GNA14: variants seen among roughly 807,000 people sequenced by gnomAD.
GNA14 encodes the protein G protein subunit alpha 14.
GNA14 carries 50 observed loss-of-function variants against 42.0 expected under a neutral mutation model. The ratio of observed to expected loss-of-function variants is 1.19; its 90% CI spans 0.95 to 1.51. The LOEUF (loss-of-function observed/expected upper bound fraction) is 1.51. GNA14 is among the 40% of genes most tolerant of loss of function. The pLI is 0.00. For missense variants in GNA14, 473 were observed against 446.2 expected (o/e 1.06, Z -0.54); for synonymous variants, 173 against 163.1 (o/e 1.06, Z -0.46).
chr9:77,647,821 G>T lies in GNA14; in HGVS notation c.-28C>A. ...TGCGCTCAGCTCAGTACCCGACGGG[G>T]CGACGCGGCCCCGGGCACCCGAATC... On this transcript the variant is annotated 5_prime_UTR_variant, in exon 1 of 7. Coordinates refer to ENST00000341700, the MANE Select transcript of GNA14 (RefSeq NM_004297.4). 6.3e-7 allele frequency: 1 copy of T among 1,598,048 alleles called. No homozygotes were observed. The highest frequency in any genetic ancestry group is 8.5e-7 in the Non-Finnish European group (1 of 1,175,406).
At chr9:77,641,219 G>A (rs565742878) in intron 1 of GNA14, among the ~76,000 whole-genome samples, 7 of 151,370 alleles carry the variant, frequency 4.6e-5, no homozygotes, top group Admixed American at 4.6e-4. Flanking sequence ...AATGCCAACT[G>A]GTAAATGTGG....
intron 2 of GNA14, among the ~76,000 whole-genome samples, chr9:77,508,384 G>A (rs913063173): frequency 1.3e-5 from 2 of 152,182 alleles, no homozygotes; most frequent in Admixed American, 6.5e-5. Flanking sequence ...GAGCTGTCAC[G>A]ATGGAAGAAG....
intron 1 of GNA14, among the ~76,000 whole-genome samples, chr9:77,647,024 A>AC (rs919716403): frequency 2.0e-5 from 3 of 152,060 alleles, no homozygotes; most frequent in Admixed American, 1.3e-4. Context: ...GGCCTGAGGG[A>AC]CCCCCATGGG....
intron 1 of GNA14, among the ~76,000 whole-genome samples, chr9:77,554,265 C>T (rs963777474): frequency 6.6e-6 from 1 of 152,222 alleles, no homozygotes; most frequent in Non-Finnish European, 1.5e-5. Flanking sequence ...CACACATATA[C>T]ACACATCTGT....
intron 6 of GNA14, 136 bp from the exon 7 acceptor site, chr9:77,424,305 C>T: frequency 1.9e-6 from 1 of 528,590 alleles, no homozygotes; most frequent in East Asian, 3.2e-5. Flanking sequence ...TCACTGCAAC[C>T]TCTGCTTCTG....
chr9:77,566,396 C>T (rs531200025), intron 1 of GNA14, among the ~76,000 whole-genome samples: 1 of 152,134 alleles, frequency 6.6e-6, no homozygotes, highest in Admixed American at 6.5e-5. Flanking sequence ...CTCAAGTGAT[C>T]TGCCCGCCTC....
intron 2 of GNA14, among the ~76,000 whole-genome samples, chr9:77,486,320 T>C (rs1012312837): frequency 1.3e-5 from 2 of 152,242 alleles, no homozygotes; most frequent in African/African-American, 2.4e-5. Context: ...TCAGCTTTCA[T>C]AGAATCGAAG....
chr9:77,493,026 A>AAAAAATATAT (rs1554691641), intron 2 of GNA14, among the ~76,000 whole-genome samples: 1 of 51,716 alleles, frequency 1.9e-5, no homozygotes, highest in Admixed American at 1.9e-4. Context: ...AAAAAAAAAA[A>AAAAAATATAT]ATATATATAT....
At chr9:77,458,909 G>GGGGT (rs1564020482) in intron 2 of GNA14, among the ~76,000 whole-genome samples, 1 of 151,098 alleles carries the variant, frequency 6.6e-6, no homozygotes, top group Non-Finnish European at 1.5e-5. Flanking sequence ...GCTGGAGGGG[G>GGGGT]GGGGGTTGTC....
At chr9:77,636,145 TAAC>T (rs1824180565) in intron 1 of GNA14, among the ~76,000 whole-genome samples, 1 of 152,136 alleles carries the variant, frequency 6.6e-6, no homozygotes, top group Admixed American at 6.6e-5. Flanking sequence ...GTAATATAAT[TAAC>T]ATATTTTTCA....
At chr9:77,592,064 A>G (rs985004691) in intron 1 of GNA14, among the ~76,000 whole-genome samples, 5 of 151,592 alleles carry the variant, frequency 3.3e-5, no homozygotes, top group East Asian at 1.9e-4. Flanking sequence ...ACAGGCGCCC[A>G]CCACCATGCT....
chr9:77,525,650 T>C (rs1837422354), intron 2 of GNA14, among the ~76,000 whole-genome samples: 1 of 151,162 alleles, frequency 6.6e-6, no homozygotes, highest in Non-Finnish European at 1.5e-5. Flanking sequence ...GCCATTCTCC[T>C]ACCTCAGCCT....
At chr9:77,636,673 G>C (rs1382395523) in intron 1 of GNA14, among the ~76,000 whole-genome samples, 1 of 152,110 alleles carries the variant, frequency 6.6e-6, no homozygotes, top group African/African-American at 2.4e-5. Context: ...GGAAGTGCCA[G>C]GCTCTTCTGA....
intron 2 of GNA14, among the ~76,000 whole-genome samples, chr9:77,448,697 G>A (rs77705902): frequency 0.039 from 5,965 of 152,234 alleles, 359 homozygotes; most frequent in African/African-American, 0.14. Flanking sequence ...TCAGGCATGC[G>A]TGTATGCAGC....
chr9:77,623,216 CAAAA>C (rs34368561), intron 1 of GNA14, among the ~76,000 whole-genome samples: 6 of 26,852 alleles, frequency 2.2e-4, no homozygotes, highest in African/African-American at 3.1e-4. Context: ...GACGCTGTCT[CAAAA>C]AAAAAAAAAA....
At position 77,539,595 on chromosome 9, in the gene GNA14, A is replaced by G. The variant is rs546092570; in HGVS notation, c.125-10342T>C. 2.6e-5 allele frequency among the ~76,000 whole-genome samples: 4 copies of G among 152,208 alleles called. No homozygotes were observed. The South Asian group carries it at 8.3e-4, about 32-fold the overall frequency. ...TCAGGAAGATTGGTATTAGTTCTTC[A>G]TTATACATTTGGTAGAGTTTGGCTG... On this transcript the variant is annotated intron_variant, in intron 1 of 6. Transcript: ENST00000341700.
At chr9:77,480,638 T>C (rs1050348154) in intron 2 of GNA14, among the ~76,000 whole-genome samples, 8 of 152,230 alleles carry the variant, frequency 5.3e-5, no homozygotes, top group African/African-American at 1.9e-4. Context: ...AGCTCCTCCT[T>C]GTACATCTGG....
chr9:77,439,937 C>A (rs902756999), intron 2 of GNA14, among the ~76,000 whole-genome samples: 1 of 152,156 alleles, frequency 6.6e-6, no homozygotes, highest in African/African-American at 2.4e-5. Context: ...GTGGAGATGT[C>A]TAAAAGGCAG....
chr9:77,626,061 GAA>G (rs57888509), intron 1 of GNA14, among the ~76,000 whole-genome samples: 1 of 141,058 alleles, frequency 7.1e-6, no homozygotes, highest in African/African-American at 2.5e-5. Context: ...CAAATGGAAA[GAA>G]AAAAAAAAAG....
Sources: gnomAD v4.1 joint callset for allele counts (sites outside exome capture counted in the v4.1 genomes callset) on GRCh38, gnomAD v4.1.1 for gene constraint, MANE v1.5 for transcripts, NCBI Gene and HGNC (gene_info 2026-07-23, HGNC 2026-07-21) for gene names.